The following SV2C variants were observed in gnomAD, a reference collection of about 807,000 sequenced individuals.
SV2C encodes synaptic vesicle glycoprotein 2C.
In SV2C, 49 loss-of-function variants were observed where a neutral mutation model predicts 79.7. The ratio of observed to expected loss-of-function variants is 0.61; its 90% CI spans 0.49 to 0.78. The LOEUF (loss-of-function observed/expected upper bound fraction) is 0.78. SV2C is among the 30% of genes least tolerant of loss of function. The probability of loss-of-function intolerance (pLI) is 0.00; values close to 1 mark genes in which losing one functional copy is unlikely to be tolerated. For missense variants in SV2C, 833 were observed against 912.9 expected (o/e 0.91, Z 1.13); for synonymous variants, 334 against 333.2 (o/e 1.00, Z -0.03).
At chr5:75,939,021 A>G in the SV2C span, among the ~76,000 whole-genome samples, 1 of 152,136 alleles carries the variant, frequency 6.6e-6, no homozygotes, top group Admixed American at 6.6e-5. Context: ...ATCATTTGTC[A>G]CTAGGCTATC....
intron 2 of SV2C, among the ~76,000 whole-genome samples, chr5:76,146,796 T>TAAAA (rs1561236349): frequency 7.0e-4 from 47 of 67,070 alleles, no homozygotes; most frequent in Non-Finnish European, 1.1e-3. Flanking sequence ...GAGTTTTTTT[T>TAAAA]TAAAAAAAAA....
At chr5:76,037,984 G>A in the SV2C span, among the ~76,000 whole-genome samples, 1 of 152,208 alleles carries the variant, frequency 6.6e-6, no homozygotes, top group East Asian at 1.9e-4. Context: ...CGCAGTATTA[G>A]GGTGGGAGTG....
rs879929824 is a variant in SV2C at position 76,245,934 on chromosome 5, GTA to G, written c.913+36049_913+36050del. 6.3e-3 allele frequency among the ~76,000 whole-genome samples: 867 copies of G among 137,174 alleles called. 6 individuals are homozygous for G. Among genetic ancestry groups the G allele is most frequent in the Middle Eastern group, 0.015 (4 of 270 alleles). 90.0% of individuals were successfully genotyped at this position (137,174 alleles called of 152,430 possible). On this transcript the variant is annotated intron_variant, in intron 4 of 12. Coordinates refer to ENST00000502798, the MANE Select transcript of SV2C (RefSeq NM_014979.4). ...GGAGTGTGTGTGTGTGTGTGTGTGT[GTA>G]TGTGTGTGTGTGTGTGTGTGTGTGT...
At chr5:76,054,841 G>T in the SV2C span, among the ~76,000 whole-genome samples, 1 of 147,290 alleles carries the variant, frequency 6.8e-6, no homozygotes, top group Non-Finnish European at 1.5e-5. Flanking sequence ...TGATGGGGTT[G>T]TTTGTTTGTT....
rs538684301 is a variant in SV2C, at chr5:76,094,166, ATTTTG to A, written c.-102+10659_-102+10663del. ...GAAACTGTGAGTCTCCTGAGAAATG[ATTTTG>A]TTTTATCAATTAAATTCATGATGGT... On this transcript the variant is annotated intron_variant, in intron 1 of 12. Transcript: ENST00000502798. Among the ~76,000 whole-genome samples the A allele has an allele frequency of 1.6e-3, 244 of 152,300 alleles. 1 individual carries two copies. Among genetic ancestry groups the A allele is most frequent in the Non-Finnish European group, 3.1e-3 (210 of 68,018 alleles).
the SV2C span, among the ~76,000 whole-genome samples, chr5:75,963,549 G>A: frequency 6.6e-6 from 1 of 151,964 alleles, no homozygotes; most frequent in Non-Finnish European, 1.5e-5. Flanking sequence ...AGTACTCTGG[G>A]TTCCTTTTTA....
intron 1 of SV2C, among the ~76,000 whole-genome samples, 199 bp downstream of exon 1, chr5:76,083,711 A>G (rs1456983626): frequency 6.6e-6 from 1 of 152,208 alleles, no homozygotes; most frequent in Non-Finnish European, 1.5e-5. Context: ...GAGAGGGACC[A>G]GGAAAGTAGG....
chr5:76,221,911 A>T (rs999450106), intron 4 of SV2C, among the ~76,000 whole-genome samples: 2 of 152,234 alleles, frequency 1.3e-5, no homozygotes, highest in African/African-American at 4.8e-5. Flanking sequence ...GTAGATATAG[A>T]TGCCTACTCC....
At chr5:76,304,196 T>C (rs1025416054) in intron 12 of SV2C, among the ~76,000 whole-genome samples, 26 of 152,204 alleles carry the variant, frequency 1.7e-4, no homozygotes, top group African/African-American at 6.3e-4. Flanking sequence ...AGCACTTAAG[T>C]AGATGTCATC....
intron 1 of SV2C, among the ~76,000 whole-genome samples, chr5:76,130,292 G>A (rs1748844104): frequency 6.6e-6 from 1 of 151,826 alleles, no homozygotes; most frequent in African/African-American, 2.4e-5. Context: ...CGCAGCCTGT[G>A]AGAACCATAC....
intron 4 of SV2C, among the ~76,000 whole-genome samples, chr5:76,227,761 G>A (rs953619658): frequency 6.6e-6 from 1 of 152,170 alleles, no homozygotes; most frequent in Non-Finnish European, 1.5e-5. Context: ...ATCTAGTTCT[G>A]ATCAGTTTTA....
At chr5:75,930,631 A>G in the SV2C span, among the ~76,000 whole-genome samples, 1 of 152,212 alleles carries the variant, frequency 6.6e-6, no homozygotes. Context: ...GAAAAAGAAT[A>G]AAGACACTGA....
chr5:75,866,450 C>T, the SV2C span, among the ~76,000 whole-genome samples: 1 of 152,160 alleles, frequency 6.6e-6, no homozygotes, highest in Non-Finnish European at 1.5e-5. Flanking sequence ...GCACAACTAT[C>T]CCCTATTTTA....
At chr5:76,137,465 A>T (rs1453893116) in intron 2 of SV2C, among the ~76,000 whole-genome samples, 2 of 152,138 alleles carry the variant, frequency 1.3e-5, no homozygotes, top group Non-Finnish European at 2.9e-5. Context: ...GATGAAGTTC[A>T]TTTTGGAGGG....
the SV2C span, among the ~76,000 whole-genome samples, chr5:76,030,289 T>TTA: frequency 1.1e-3 from 131 of 117,906 alleles, 2 homozygotes; most frequent in African/African-American, 3.5e-3. Flanking sequence ...TTTTTTTTTT[T>TTA]TTTATTTATT....
chr5:75,962,542 C>T, the SV2C span, among the ~76,000 whole-genome samples: 1 of 152,090 alleles, frequency 6.6e-6, no homozygotes, highest in Non-Finnish European at 1.5e-5. Flanking sequence ...TGTATGTTTG[C>T]TTTCTTCTGT....
chr5:75,854,813 C>G, the SV2C span, among the ~76,000 whole-genome samples: 2 of 152,106 alleles, frequency 1.3e-5, no homozygotes, highest in African/African-American at 4.8e-5. Flanking sequence ...TTTTCCTATG[C>G]TCTCTTCTAG....
At chr5:75,928,518 C>G in the SV2C span, among the ~76,000 whole-genome samples, 1 of 152,186 alleles carries the variant, frequency 6.6e-6, no homozygotes, top group East Asian at 1.9e-4. Context: ...GGTCTATGAA[C>G]TCCCTGCAAT....
intron 4 of SV2C, among the ~76,000 whole-genome samples, chr5:76,274,573 A>G (rs1746965341): frequency 6.6e-6 from 1 of 152,064 alleles, no homozygotes; most frequent in Admixed American, 6.5e-5. Flanking sequence ...ATTCTTTCCC[A>G]ATAGTTATAT....
Sources: gnomAD v4.1 joint callset for allele counts (sites outside exome capture counted in the v4.1 genomes callset) on GRCh38, gnomAD v4.1.1 for gene constraint, MANE v1.5 for transcripts, NCBI Gene and HGNC (gene_info 2026-07-23, HGNC 2026-07-21) for gene names.